The following COP1 variants were observed in gnomAD, a reference collection of about 807,000 sequenced individuals.
COP1 encodes the protein E3 ubiquitin-protein ligase COP1.
COP1 carries 24 observed loss-of-function variants against 101.3 expected under a neutral mutation model. That is an observed-to-expected ratio of 0.24 (90% CI 0.17 to 0.33). COP1 has a LOEUF of 0.33. Ranked by LOEUF, COP1 falls within the 10% of genes least tolerant of loss-of-function variation. COP1 has a pLI of 1.00. For missense variants in COP1, 663 were observed against 906.2 expected (o/e 0.73, Z 3.45); for synonymous variants, 347 against 341.9 (o/e 1.01, Z -0.17).
At chr1:176,073,350 G>C (rs1677354454) in intron 11 of COP1, among the ~76,000 whole-genome samples, 2 of 152,024 alleles carry the variant, frequency 1.3e-5, no homozygotes, top group African/African-American at 4.8e-5. Context: ...CCAACAGTTT[G>C]AACAAACATA....
chr1:176,152,549 G>A (rs1009908494), intron 5 of COP1, among the ~76,000 whole-genome samples: 6 of 151,942 alleles, frequency 3.9e-5, no homozygotes, highest in Non-Finnish European at 5.9e-5. Context: ...CCAAGGTGAA[G>A]CAATTCTTCT....
chr1:176,025,294 A>T (rs1052265666), intron 15 of COP1, among the ~76,000 whole-genome samples: 1 of 152,154 alleles, frequency 6.6e-6, no homozygotes, highest in Non-Finnish European at 1.5e-5. Context: ...GAATGTGATA[A>T]ATCATTGGAA....
chr1:175,990,385 A>G (rs1287419728), intron 15 of COP1, among the ~76,000 whole-genome samples: 1 of 152,062 alleles, frequency 6.6e-6, no homozygotes, highest in Non-Finnish European at 1.5e-5. Context: ...AAATTTATTG[A>G]CTTATTTTTA....
intron 18 of COP1, among the ~76,000 whole-genome samples, chr1:175,985,648 T>A (rs137899056): frequency 1.3e-5 from 2 of 152,332 alleles, no homozygotes; most frequent in East Asian, 3.9e-4. Context: ...AGGGGAAAAG[T>A]AGATTCAAAA....
intron 9 of COP1, among the ~76,000 whole-genome samples, chr1:176,114,898 A>G (rs1464015839): frequency 2.0e-5 from 3 of 152,212 alleles, no homozygotes; most frequent in African/African-American, 7.2e-5. Flanking sequence ...TTGTGATTAC[A>G]TAAGACAATA....
intron 15 of COP1, among the ~76,000 whole-genome samples, chr1:175,998,068 A>T (rs1660666781): frequency 1.4e-4 from 8 of 55,498 alleles, no homozygotes; most frequent in South Asian, 7.8e-4. Context: ...ATAATTAAAA[A>T]AAAAAAAAAA....
At chr1:176,102,602 T>A (rs902522271) in intron 9 of COP1, among the ~76,000 whole-genome samples, 1 of 152,176 alleles carries the variant, frequency 6.6e-6, no homozygotes, top group African/African-American at 2.4e-5. Flanking sequence ...TTAAAAAACA[T>A]GAAAACAGCC....
chr1:176,156,334 T>C (rs1215655330), intron 5 of COP1, among the ~76,000 whole-genome samples: 1 of 151,748 alleles, frequency 6.6e-6, no homozygotes, highest in African/African-American at 2.4e-5. Context: ...AATGAGATAC[T>C]GAAAACCCAA....
At chr1:176,194,779 T>C (rs1286898442) in intron 1 of COP1, among the ~76,000 whole-genome samples, 1 of 151,782 alleles carries the variant, frequency 6.6e-6, no homozygotes, top group African/African-American at 2.4e-5. Context: ...TGTAAACACT[T>C]ATGAAAAGAA....
At chr1:176,147,750 G>A (rs980863040) in intron 6 of COP1, among the ~76,000 whole-genome samples, 1 of 152,150 alleles carries the variant, frequency 6.6e-6, no homozygotes, top group Non-Finnish European at 1.5e-5. Flanking sequence ...TGTTGTGGGA[G>A]GCCATGGGCC....
At chr1:176,000,088 C>T (rs1191961729) in intron 15 of COP1, among the ~76,000 whole-genome samples, 1 of 152,002 alleles carries the variant, frequency 6.6e-6, no homozygotes, top group Non-Finnish European at 1.5e-5. Context: ...CTGTTGCCTT[C>T]GCTGTGCAGA....
intron 1 of COP1, among the ~76,000 whole-genome samples, chr1:176,205,568 C>T (rs966823599): frequency 6.6e-6 from 1 of 152,172 alleles, no homozygotes; most frequent in Non-Finnish European, 1.5e-5. Context: ...TCAACAATTT[C>T]CTCAAAAAGG....
intron 6 of COP1, among the ~76,000 whole-genome samples, chr1:176,140,416 G>GA: frequency 6.6e-6 from 1 of 152,042 alleles, no homozygotes; most frequent in East Asian, 1.9e-4. Context: ...ATATTAAAAA[G>GA]AAAAAAGTTT....
Position 176,042,430 on chromosome 1 carries a change from G to A in COP1, c.1612+756C>T, listed in dbSNP as rs1230993642. Among the ~76,000 whole-genome samples, 11 of 150,160 alleles carry A rather than the reference G, an allele frequency of 7.3e-5. No individual in the cohort carries two copies. The East Asian group carries it at 1.8e-3, about 25-fold the overall frequency. On this transcript the variant is annotated intron_variant, in intron 14 of 19. Transcript: ENST00000367669. ...TACAAAAAATTAGCCAGGCATGGTG[G>A]TGGGTGGCTGTAATCCCAGCCACTC...
At chr1:175,973,417 T>C (rs1279967237) in intron 18 of COP1, among the ~76,000 whole-genome samples, 2 of 152,156 alleles carry the variant, frequency 1.3e-5, no homozygotes, top group East Asian at 1.9e-4. Context: ...GAAAATAAAA[T>C]ACATGAAGTC....
At chr1:176,006,623 G>C (rs917964143) in intron 15 of COP1, among the ~76,000 whole-genome samples, 1 of 152,166 alleles carries the variant, frequency 6.6e-6, no homozygotes, top group Non-Finnish European at 1.5e-5. Flanking sequence ...AGTTTGGCTT[G>C]ATATGAAATT....
At chr1:176,141,194 A>C (rs1690619676) in intron 6 of COP1, among the ~76,000 whole-genome samples, 1 of 152,216 alleles carries the variant, frequency 6.6e-6, no homozygotes, top group Non-Finnish European at 1.5e-5. Flanking sequence ...TTCAATGGGG[A>C]AAAGCTGATT....
intron 9 of COP1, among the ~76,000 whole-genome samples, chr1:176,097,820 G>C (rs958958299): frequency 7.5e-6 from 1 of 132,958 alleles, no homozygotes; most frequent in Non-Finnish European, 1.5e-5. Flanking sequence ...AGTGAGTCGA[G>C]ATCATGCCAC....
At chr1:175,962,933 ATTGT>A (rs1438635471) in intron 18 of COP1, among the ~76,000 whole-genome samples, 1 of 152,224 alleles carries the variant, frequency 6.6e-6, no homozygotes, top group Admixed American at 6.5e-5. Context: ...TTCAAGATTT[ATTGT>A]TTGAAGTGAA....
Sources: allele counts gnomAD v4.1 joint callset (sites outside exome capture counted in the v4.1 genomes callset), GRCh38; gene constraint gnomAD v4.1.1; transcripts MANE v1.5; gene names NCBI Gene and HGNC (gene_info 2026-07-23, HGNC 2026-07-21).